WNT10A: variants seen among roughly 807,000 people sequenced by gnomAD.
The protein encoded by WNT10A is Wnt family member 10A.
WNT10A carries 37 observed loss-of-function variants against 36.1 expected under a neutral mutation model. That is an observed-to-expected ratio of 1.02 (90% CI 0.79 to 1.35). The LOEUF is 1.35. WNT10A is among the 40% of genes most tolerant of loss of function. The probability of loss-of-function intolerance (pLI) is 0.00; values close to 1 mark genes in which losing one functional copy is unlikely to be tolerated. For synonymous variants in WNT10A, 255 were observed against 254.1 expected, an observed-to-expected ratio of 1.00 and a Z score of -0.03; for missense variants, 613 against 601.4, an observed-to-expected ratio of 1.02 and a Z score of -0.20.
rs777698250 is a variant in WNT10A at position 218,893,003 on chromosome 2, G to A, written c.986G>A (p.Arg329Gln). Residue 329 changes from arginine (R) to glutamine (Q), a missense_variant, in exon 4 of 4, where the codon CGA (arginine) becomes CAA (glutamine). Transcript: ENST00000258411. The surrounding 1 kb of genome is among the most constrained non-coding windows in gnomAD (Gnocchi z 6.3). Reference protein sequence around the residue: ...SPAPGAPGPRRRASPADLVYF... With the variant: ...SPAPGAPGPRQRASPADLVYF... ...GCTCCGGGCGCTCCCGGGCCGCGCC[G>A]ACGGGCCAGCCCCGCCGACCTGGTC... is the stretch of plus-strand genomic sequence containing the variant. 3 of 1,548,210 alleles carry A rather than the reference G, an allele frequency of 1.9e-6. No individual in the cohort carries two copies. In the African/African-American group the frequency reaches 4.3e-5, roughly 22 times the overall value.
At chr2:218,875,159 C>CTTTTTTTTTTTTTTTTTTTTT in the WNT10A span, among the ~76,000 whole-genome samples, 1 of 36,864 alleles carries the variant, frequency 2.7e-5, no homozygotes, top group African/African-American at 7.4e-5. Flanking sequence ...GACTGACTTT[C>CTTTTTTTTTTTTTTTTTTTTT]TTTTTTTTTT....
chr2:218,882,236 A>G lies in WNT10A; in HGVS notation c.189A>G (p.Thr63=), dbSNP rs1944526191. 2 of 1,614,000 alleles carry G rather than the reference A, an allele frequency of 1.2e-6. No homozygotes were observed. Among genetic ancestry groups the G allele is most frequent in the Admixed American group, 1.7e-5 (1 of 60,004 alleles). ...TCAATGCCAACACAGTGTGCCTAAC[A>G]TTGCCAGGCCTGAGCCGGCGGCAGA... ...PVLNANTVCL[T]LPGLSRRQME... Residue 63 remains threonine, a synonymous_variant, in exon 2 of 4, where the codon ACA becomes ACG. Transcript: ENST00000258411.
chr2:218,883,984 G>C (rs1483034460), intron 2 of WNT10A: 2 of 152,232 alleles, frequency 1.3e-5, no homozygotes, highest in African/African-American at 4.8e-5. Flanking sequence ...GTTTCCCTTC[G>C]GGGCCCTCGG....
chr2:218,893,010 C>T lies in WNT10A; in HGVS notation c.993C>T (p.Ala331=). The stretch of plus-strand genomic sequence containing the variant: ...GCGCTCCCGGGCCGCGCCGACGGGC[C>T]AGCCCCGCCGACCTGGTCTACTTCG... The part of the protein sequence containing the change: ...APGAPGPRRR[A]SPADLVYFEK... The change falls in exon 4 of 4, where the codon GCC becomes GCT. Residue 331 remains alanine (A), a synonymous_variant. Transcript: ENST00000258411. The surrounding 1 kb of genome is among the most constrained non-coding windows in gnomAD (Gnocchi z 6.3). 1 of 1,579,032 alleles carries T rather than the reference C, an allele frequency of 6.3e-7. No homozygotes were observed. The highest frequency in any genetic ancestry group is 8.5e-7 in the Non-Finnish European group (1 of 1,172,030).
chr2:218,893,587 G>A lies in WNT10A; in HGVS notation c.*316G>A. Reference sequence around the variant, plus strand: ...CCTCAGCCAGGCAACCCGTCAGTCTGTCTCCATCCTTTCACCCCTTCCCTG... The same window carrying A: ...CCTCAGCCAGGCAACCCGTCAGTCTATCTCCATCCTTTCACCCCTTCCCTG... On this transcript the variant is annotated 3_prime_UTR_variant, in exon 4 of 4. Coordinates refer to ENST00000258411, the MANE Select transcript of WNT10A (RefSeq NM_025216.3). The surrounding 1 kb of genome is among the most constrained non-coding windows in gnomAD (Gnocchi z 6.3). The A allele has an allele frequency of 6.1e-6, 2 of 329,872 alleles. No homozygotes were observed. Among genetic ancestry groups the A allele is most frequent in the East Asian group, 9.4e-5 (2 of 21,380 alleles). 20.4% of individuals were successfully genotyped at this position (329,872 alleles called of 1,614,324 possible).
At chr2:218,880,597 C>T (rs954497360), upstream of WNT10A, 19 of 198,450 alleles carry the variant, frequency 9.6e-5, no homozygotes, top group Non-Finnish European at 1.7e-4. This position sits in a 1 kb window ranked among gnomAD's most constrained non-coding sequence, Gnocchi z 7.7. Flanking sequence ...CAGCCAGCCT[C>T]GCACGCCCTC....
chr2:218,889,882 T>C (rs1407279719), intron 2 of WNT10A, 102 bp from the exon 3 acceptor site: 2 of 1,581,470 alleles, frequency 1.3e-6, no homozygotes, highest in African/African-American at 2.7e-5. Flanking sequence ...CTCTCCTGCA[T>C]ACTGGGCTTC....
rs760857889 is a variant in WNT10A, at chr2:218,892,993, G to T, written c.976G>T (p.Gly326Trp). 6 of 1,534,394 alleles carry T rather than the reference G, an allele frequency of 3.9e-6. No homozygotes were observed. The highest frequency in any genetic ancestry group is 5.2e-6 in the Non-Finnish European group (6 of 1,150,944). ...ACCCTCGCCGGCTCCGGGCGCTCCC[G>T]GGCCGCGCCGACGGGCCAGCCCCGC... is the stretch of plus-strand genomic sequence containing the variant. The part of the protein sequence containing the change: ...GAPSPAPGAP[G>W]PRRRASPADL... Residue 326 changes from glycine to tryptophan, a missense_variant, in exon 4 of 4, where the codon GGG (glycine) becomes TGG (tryptophan). Transcript: ENST00000258411.
Position 218,893,449 on chromosome 2 carries a change from T to C in WNT10A, c.*178T>C. On this transcript the variant is annotated 3_prime_UTR_variant, in exon 4 of 4. Transcript: ENST00000258411. The surrounding 1 kb of genome is among the most constrained non-coding windows in gnomAD (Gnocchi z 6.3). ...GTGATCGCCGGACAGTCCAGGCCTG[T>C]CTGAACCCCACCACTCACTTCTGTG... is the stretch of plus-strand genomic sequence containing the variant. 1 of 840,212 alleles carries C rather than the reference T, an allele frequency of 1.2e-6. No individual in the cohort carries two copies. Among genetic ancestry groups the C allele is most frequent in the East Asian group, 2.8e-5 (1 of 35,382 alleles). 52.0% of individuals were successfully genotyped at this position (840,212 alleles called of 1,614,324 possible).
upstream of WNT10A, among the ~76,000 whole-genome samples, chr2:218,879,636 T>C (rs77430904): frequency 0.04 from 6,121 of 152,160 alleles, 383 homozygotes; most frequent in African/African-American, 0.13. Context: ...TAGAGGACCA[T>C]GTGCAGGTGG....
chr2:218,889,436 A>G (rs1374526966), intron 2 of WNT10A, among the ~76,000 whole-genome samples: 2 of 152,182 alleles, frequency 1.3e-5, no homozygotes, highest in African/African-American at 4.8e-5. Context: ...CTGGGTAGAT[A>G]CCCAGTAGTG....
At chr2:218,878,838 G>T (rs1301851245), upstream of WNT10A, among the ~76,000 whole-genome samples, 3 of 152,172 alleles carry the variant, frequency 2.0e-5, no homozygotes, top group Non-Finnish European at 4.4e-5. The surrounding 1 kb of genome is among the most constrained non-coding windows in gnomAD (Gnocchi z 4.1). Context: ...TCTCCAGCTT[G>T]CTGGTGTCCT....
upstream of WNT10A, among the ~76,000 whole-genome samples, chr2:218,878,329 T>C (rs997351629): frequency 6.6e-6 from 1 of 152,030 alleles, no homozygotes; most frequent in Non-Finnish European, 1.5e-5. This position sits in a 1 kb window ranked among gnomAD's most constrained non-coding sequence, Gnocchi z 4.1. Context: ...TCCTAGACCC[T>C]CCTGACACCA....
In WNT10A at chr2:218,893,134, G is replaced by C. The variant is rs772520906; in HGVS notation, c.1117G>C (p.Gly373Arg). ...GAGCAGCGCCGGCTCGGATGGCTGC[G>C]GCAGCATGTGCTGCGGCCGCGGCCA... is the stretch of plus-strand genomic sequence containing the variant. Reference protein sequence around the residue: ...NKSSAGSDGCGSMCCGRGHNI... With the variant: ...NKSSAGSDGCRSMCCGRGHNI... Residue 373 changes from glycine to arginine, a missense_variant, in exon 4 of 4, where the codon GGC becomes CGC. Coordinates refer to ENST00000258411, the MANE Select transcript of WNT10A (RefSeq NM_025216.3). The surrounding 1 kb of genome is among the most constrained non-coding windows in gnomAD (Gnocchi z 6.3). 6.3e-7 allele frequency: 1 copy of C among 1,593,124 alleles called. No individual in the cohort carries two copies. The highest frequency in any genetic ancestry group is 1.3e-5 in the African/African-American group (1 of 74,824).
In WNT10A at chr2:218,882,402, G is replaced by C. The variant is rs770699256; in HGVS notation, c.355G>C (p.Glu119Gln). 1 of 1,614,120 alleles carries C rather than the reference G, an allele frequency of 6.2e-7. No homozygotes were observed. The highest frequency in any genetic ancestry group is 8.5e-7 in the Non-Finnish European group (1 of 1,180,008). The change falls in exon 2 of 4, where the codon GAG (glutamate) becomes CAG (glutamine). Residue 119 changes from glutamate to glutamine, a missense_variant. Physicochemically the swap from Glu to Gln is conservative, Grantham distance 29 (BLOSUM62 2). Transcript: ENST00000258411. ...GGAGACTCGCAACAAGATCCCCTAT[G>C]AGAGTCCCATCTTCAGCAGAGGTAG... Reference protein sequence around the residue: ...SLETRNKIPYESPIFSRGFRE... With the variant: ...SLETRNKIPYQSPIFSRGFRE...
Position 218,893,126 on chromosome 2 carries a change from A to C in WNT10A, c.1109A>C (p.Asp370Ala), listed in dbSNP as rs1944677190. ...RLCNKSSAGS[D>A]GCGSMCCGRG... The stretch of plus-strand genomic sequence containing the variant: ...TGCAACAAGAGCAGCGCCGGCTCGG[A>C]TGGCTGCGGCAGCATGTGCTGCGGC... Residue 370 changes from aspartate (D) to alanine (A), a missense_variant, in exon 4 of 4, where the codon GAT (aspartate) becomes GCT (alanine). Transcript: ENST00000258411. The surrounding 1 kb of genome is among the most constrained non-coding windows in gnomAD (Gnocchi z 6.3). 1 of 1,594,070 alleles carries C rather than the reference A, an allele frequency of 6.3e-7. No individual in the cohort carries two copies. The highest frequency in any genetic ancestry group is 1.7e-5 in the Admixed American group (1 of 59,732).
rs556288837 is a variant in WNT10A at position 218,888,818 on chromosome 2, T to C, written c.377-1166T>C. On this transcript the variant is annotated intron_variant, in intron 2 of 3. Transcript: ENST00000258411. The stretch of plus-strand genomic sequence containing the variant: ...GCTGACCGTCTCCTCTTACTTACTC[T>C]GCTGCCCACTGACATCTCCTAAGGC... Among the ~76,000 whole-genome samples the C allele has an allele frequency of 2.0e-4, 30 of 152,384 alleles. No individual in the cohort carries two copies. In the South Asian group the frequency reaches 6.0e-3, roughly 30 times the overall value.
Position 218,893,179 on chromosome 2 carries a change from C to A in WNT10A, c.1162C>A (p.Arg388Ser), listed in dbSNP as rs1186983054. 1 of 1,581,058 alleles carries A rather than the reference C, an allele frequency of 6.3e-7. No homozygotes were observed. ...CGGCCACAACATCCTGCGCCAGACG[C>A]GCAGCGAGCGCTGCCACTGCCGCTT... is the stretch of plus-strand genomic sequence containing the variant. ...GRGHNILRQT[R>S]SERCHCRFHW... is the part of the protein sequence containing the mutation. The change falls in exon 4 of 4, where the codon CGC becomes AGC. Residue 388 changes from arginine (R) to serine (S), a missense_variant. Transcript: ENST00000258411. This position sits in a 1 kb window ranked among gnomAD's most constrained non-coding sequence, Gnocchi z 6.3.
In WNT10A at chr2:218,881,111, G is replaced by A. The variant is rs763909520; in HGVS notation, c.113+3G>A. On this transcript the variant is annotated splice_donor_region_variant and intron_variant, in intron 1 of 3. Transcript: ENST00000258411. ...CTGCTGGCTGCTGCCATGCCCAGGT[G>A]AGCCCTCACCTCATGCTCCGCCCTC... The A allele has an allele frequency of 1.0e-5, 16 of 1,590,644 alleles. No homozygotes were observed. Among genetic ancestry groups the A allele is most frequent in the Non-Finnish European group, 1.3e-5 (15 of 1,168,152 alleles).
Sources: gnomAD v4.1 joint callset for allele counts (sites outside exome capture counted in the v4.1 genomes callset) on GRCh38, gnomAD v4.1.1 for gene constraint, Gnocchi (gnomAD v3.1) non-coding constraint, MANE v1.5 for transcripts, NCBI Gene and HGNC (gene_info 2026-07-23, HGNC 2026-07-21) for gene names.